MFSD6: variants seen among roughly 807,000 people sequenced by gnomAD.
MFSD6 encodes major facilitator superfamily domain containing 6.
A neutral mutation model predicts 56.3 loss-of-function variants in MFSD6; 26 were observed. That is an observed-to-expected ratio of 0.46 (90% CI 0.34 to 0.64). The LOEUF is 0.64. Ranked by LOEUF, MFSD6 falls within the 30% of genes least tolerant of loss-of-function variation. The probability of loss-of-function intolerance (pLI) is 0.01; values close to 1 mark genes in which losing one functional copy is unlikely to be tolerated. For missense variants in MFSD6, 750 were observed against 986.2 expected, an observed-to-expected ratio of 0.76 and a Z score of 3.21; for synonymous variants, 331 against 366.9, an observed-to-expected ratio of 0.90 and a Z score of 1.12.
chr2:190,471,276 C>T lies in MFSD6; in HGVS notation c.1630+1421C>T, dbSNP rs957147138. 6.6e-6 allele frequency among the ~76,000 whole-genome samples: 1 copy of T among 152,152 alleles called. No homozygotes were observed. The highest frequency in any genetic ancestry group is 2.4e-5 in the African/African-American group (1 of 41,430). On this transcript the variant is annotated intron_variant, in intron 4 of 7. Transcript: ENST00000392328. This position sits in a 1 kb window ranked among gnomAD's most constrained non-coding sequence, Gnocchi z 4.7. ...GTGGGTGCAGCGCGGTGAGCGTGAG[C>T]TGAAGCAGGGCGAGGCATCACCTCA...
At chr2:190,468,079 T>C (rs1265510353) in intron 3 of MFSD6, among the ~76,000 whole-genome samples, 1 of 152,216 alleles carries the variant, frequency 6.6e-6, no homozygotes, top group Non-Finnish European at 1.5e-5. Flanking sequence ...TCATGTAGTA[T>C]ATTTTGCATT....
intron 3 of MFSD6, among the ~76,000 whole-genome samples, chr2:190,449,486 T>C (rs538018272): frequency 1.7e-3 from 264 of 151,756 alleles, no homozygotes; most frequent in Non-Finnish European, 2.9e-3. Flanking sequence ...AAAAAAAAAA[T>C]TAATATCAAA....
rs771971143 is a variant in MFSD6 at position 190,456,390 on chromosome 2, A to G, written c.1533-13368A>G. Among the ~76,000 whole-genome samples the G allele has an allele frequency of 1.3e-5, 2 of 152,214 alleles. No homozygotes were observed. Among genetic ancestry groups the G allele is most frequent in the Non-Finnish European group, 2.9e-5 (2 of 68,038 alleles). ...ATGACAGAGAGGGAGATGACCCTAA[A>G]GCCAGTGATGCCTCTGGCCTGGCTC... On this transcript the variant is annotated intron_variant, in intron 3 of 7. Coordinates refer to ENST00000392328, the MANE Select transcript of MFSD6 (RefSeq NM_017694.4). This position sits in a 1 kb window ranked among gnomAD's most constrained non-coding sequence, Gnocchi z 5.4.
chr2:190,488,530 T>C lies in MFSD6; in HGVS notation c.1631-127T>C. 1.1e-6 allele frequency: 1 copy of C among 914,878 alleles called. No individual in the cohort carries two copies. Among genetic ancestry groups the C allele is most frequent in the Non-Finnish European group, 1.5e-6 (1 of 650,850 alleles). 56.7% of individuals were successfully genotyped at this position (914,878 alleles called of 1,614,324 possible). A position where few individuals can be genotyped will look rare whatever the true frequency, so the allele number is the denominator to read the frequency against. Reference sequence around the variant, plus strand: ...CATTTAAAAATGTGAAAATGGTAAATTTTTAATGTATGTTTTCCCACAACA... The same window carrying C: ...CATTTAAAAATGTGAAAATGGTAAACTTTTAATGTATGTTTTCCCACAACA... On this transcript the variant is annotated intron_variant, in intron 4 of 7. Coordinates refer to ENST00000392328, the MANE Select transcript of MFSD6 (RefSeq NM_017694.4). This position sits in a 1 kb window ranked among gnomAD's most constrained non-coding sequence, Gnocchi z 6.4.
chr2:190,414,204 G>T (rs1269426792), intron 1 of MFSD6, among the ~76,000 whole-genome samples: 3 of 152,090 alleles, frequency 2.0e-5, no homozygotes, highest in Admixed American at 6.5e-5. Context: ...GTTGGTAGGT[G>T]CTGCAAACCA....
At chr2:190,476,164 T>C (rs1346427447) in intron 4 of MFSD6, among the ~76,000 whole-genome samples, 5 of 152,130 alleles carry the variant, frequency 3.3e-5, no homozygotes, top group African/African-American at 7.2e-5. Context: ...AAGGACTTCA[T>C]GTCTAAAACA....
At chr2:190,441,083 G>C (rs1461366991) in intron 3 of MFSD6, among the ~76,000 whole-genome samples, 1 of 152,140 alleles carries the variant, frequency 6.6e-6, no homozygotes, top group Non-Finnish European at 1.5e-5. Context: ...GTTTAAGGAA[G>C]ATCATGCCTA....
rs1014563379 is a variant in MFSD6, at chr2:190,471,757, C to T, written c.1630+1902C>T. Among the ~76,000 whole-genome samples, 4 of 152,158 alleles carry T rather than the reference C, an allele frequency of 2.6e-5. No individual in the cohort carries two copies. Among genetic ancestry groups the T allele is most frequent in the South Asian group, 2.1e-4 (1 of 4,832 alleles). On this transcript the variant is annotated intron_variant, in intron 4 of 7. Coordinates refer to ENST00000392328, the MANE Select transcript of MFSD6 (RefSeq NM_017694.4). This position sits in a 1 kb window ranked among gnomAD's most constrained non-coding sequence, Gnocchi z 4.7. The stretch of plus-strand genomic sequence containing the variant: ...TTTGAAGACAGTAGTTCTCCCAGGA[C>T]GCAGCTTGAGATCTGAGAACAGACA...
intron 2 of MFSD6, among the ~76,000 whole-genome samples, chr2:190,427,738 T>C (rs200004342): frequency 5.4e-5 from 8 of 148,264 alleles, no homozygotes; most frequent in African/African-American, 7.6e-5. Context: ...TTTTTTTTTT[T>C]CTTTTTTTTT....
chr2:190,483,569 G>A (rs963671677), intron 4 of MFSD6, among the ~76,000 whole-genome samples: 4 of 152,142 alleles, frequency 2.6e-5, no homozygotes, highest in Non-Finnish European at 5.9e-5. Flanking sequence ...GGGCGCAGTG[G>A]CTCACGCCCG....
chr2:190,429,092 A>G (rs1047685766), intron 2 of MFSD6, among the ~76,000 whole-genome samples: 2 of 152,054 alleles, frequency 1.3e-5, no homozygotes, highest in East Asian at 3.8e-4. Flanking sequence ...GGCCATTTGT[A>G]TAGGCTCTTT....
At position 190,462,365 on chromosome 2, in the gene MFSD6, G is replaced by A. The variant is rs972528009; in HGVS notation, c.1533-7393G>A. ...TTTTAAACATCCCACAGTGAATGGT[G>A]GATCCCACACAATAAAGAATTGCAC... is the stretch of plus-strand genomic sequence containing the variant. On this transcript the variant is annotated intron_variant, in intron 3 of 7. Coordinates refer to ENST00000392328, the MANE Select transcript of MFSD6 (RefSeq NM_017694.4). This position sits in a 1 kb window ranked among gnomAD's most constrained non-coding sequence, Gnocchi z 5.7. Among the ~76,000 whole-genome samples, 5 of 152,170 alleles carry A rather than the reference G, an allele frequency of 3.3e-5. No individual in the cohort carries two copies. The highest frequency in any genetic ancestry group is 1.2e-4 in the African/African-American group (5 of 41,444).
In MFSD6 at chr2:190,465,870, G is replaced by A. The variant is rs1201989448; in HGVS notation, c.1533-3888G>A. On this transcript the variant is annotated intron_variant, in intron 3 of 7. Coordinates refer to ENST00000392328, the MANE Select transcript of MFSD6 (RefSeq NM_017694.4). The surrounding 1 kb of genome is among the most constrained non-coding windows in gnomAD (Gnocchi z 4.6). The stretch of plus-strand genomic sequence containing the variant: ...TAGCCGGGCCTGGTAGCATGCACCT[G>A]TAATCTCAGCTACTTGGGAGGCTGA... Among the ~76,000 whole-genome samples the A allele has an allele frequency of 1.3e-5, 2 of 152,170 alleles. No homozygotes were observed. Among genetic ancestry groups the A allele is most frequent in the African/African-American group, 4.8e-5 (2 of 41,428 alleles).
Position 190,415,992 on chromosome 2 carries a change from C to A in MFSD6, c.-54+579C>A, listed in dbSNP as rs1436533975. Among the ~76,000 whole-genome samples the A allele has an allele frequency of 6.6e-6, 1 of 152,102 alleles. No homozygotes were observed. Among genetic ancestry groups the A allele is most frequent in the Non-Finnish European group, 1.5e-5 (1 of 68,004 alleles). Reference sequence around the variant, plus strand: ...TCTGTAATGTGAACTGTTACTTTTTCCTCCCGCTGGGCTTGTTCTAAGACA... The same window carrying A: ...TCTGTAATGTGAACTGTTACTTTTTACTCCCGCTGGGCTTGTTCTAAGACA... On this transcript the variant is annotated intron_variant, in intron 2 of 7. Transcript: ENST00000392328. This position sits in a 1 kb window ranked among gnomAD's most constrained non-coding sequence, Gnocchi z 4.5.
intron 3 of MFSD6, among the ~76,000 whole-genome samples, chr2:190,442,164 CTTAA>C (rs1686405148): frequency 6.6e-6 from 1 of 152,162 alleles, no homozygotes; most frequent in Non-Finnish European, 1.5e-5. Flanking sequence ...TAAAAGATGA[CTTAA>C]TTCTCATAGT....
At chr2:190,480,331 A>G (rs894533947) in intron 4 of MFSD6, among the ~76,000 whole-genome samples, 1 of 152,262 alleles carries the variant, frequency 6.6e-6, no homozygotes, top group African/African-American at 2.4e-5. Context: ...AAGATACACT[A>G]TTAATGCTTG....
intron 2 of MFSD6, among the ~76,000 whole-genome samples, chr2:190,420,062 T>A (rs1685554250): frequency 1.3e-5 from 2 of 151,626 alleles, no homozygotes; most frequent in Admixed American, 1.3e-4. Context: ...ATTTTCAAGT[T>A]TCTTTTTTTA....
In MFSD6 at chr2:190,436,951, A is replaced by G. The variant is rs779005349; in HGVS notation, c.922A>G (p.Ile308Val). Residue 308 changes from isoleucine (I) to valine (V), a missense_variant, in exon 3 of 8, where the codon ATC (isoleucine) becomes GTC (valine). Physicochemically the swap from Ile to Val is conservative, Grantham distance 29. Around this residue, in one of 5 missense-constraint regions of MFSD6, gnomAD observed 376 missense variants for 437.9 expected, o/e 0.86. Coordinates refer to ENST00000392328, the MANE Select transcript of MFSD6 (RefSeq NM_017694.4). The surrounding 1 kb of genome is among the most constrained non-coding windows in gnomAD (Gnocchi z 5.3). ...GEFFSASSVTIVDTVTLQYLG... is the reference protein window; with the variant it reads ...GEFFSASSVTVVDTVTLQYLG... ...ATTTTTCAGTGCCTCTTCTGTCACA[A>G]TCGTAGACACGGTCACACTCCAGTA... The G allele has an allele frequency of 6.8e-6, 11 of 1,614,048 alleles. No individual in the cohort carries two copies. Among genetic ancestry groups the G allele is most frequent in the South Asian group, 2.2e-5 (2 of 91,090 alleles).
chr2:190,434,444 TTTA>T lies in MFSD6; in HGVS notation c.-53-1530_-53-1528del, dbSNP rs1385166225. On this transcript the variant is annotated intron_variant, in intron 2 of 7. Transcript: ENST00000392328. The surrounding 1 kb of genome is among the most constrained non-coding windows in gnomAD (Gnocchi z 4.3). ...ACATTTATTTATTTTATTTTATTTA[TTTA>T]TTTTTTTGAGACGGAGTCTCGCTCT... Among the ~76,000 whole-genome samples, 1 of 152,190 alleles carries T rather than the reference TTTA, an allele frequency of 6.6e-6. No homozygotes were observed. The highest frequency in any genetic ancestry group is 1.5e-5 in the Non-Finnish European group (1 of 68,036).
Sources: gnomAD v4.1 joint callset for allele counts (sites outside exome capture counted in the v4.1 genomes callset) on GRCh38, gnomAD v4.1.1 for gene constraint, gnomAD v4.1.1 regional missense constraint, Gnocchi (gnomAD v3.1) non-coding constraint, MANE v1.5 for transcripts, NCBI Gene and HGNC (gene_info 2026-07-23, HGNC 2026-07-21) for gene names.